KCTD16: variants seen among roughly 807,000 people sequenced by gnomAD.
KCTD16 encodes potassium channel tetramerization domain containing 16, also known as BTB/POZ domain-containing protein KCTD16.
A neutral mutation model predicts 33.2 loss-of-function variants in KCTD16; 13 were observed. The ratio of observed to expected loss-of-function variants is 0.39; its 90% CI spans 0.25 to 0.62. KCTD16 has a LOEUF of 0.62. Among genes scored for constraint, KCTD16 ranks in the 20% least tolerant of loss-of-function variants. The probability of loss-of-function intolerance (pLI) is 0.50; values close to 1 mark genes in which losing one functional copy is unlikely to be tolerated. For missense variants in KCTD16, 441 were observed against 525.1 expected (o/e 0.84, Z 1.57); for synonymous variants, 197 against 195.3 (o/e 1.01, Z -0.07).
At chr5:144,453,280 G>A (rs1213633211) in intron 3 of KCTD16, among the ~76,000 whole-genome samples, 3 of 152,050 alleles carry the variant, frequency 2.0e-5, no homozygotes, top group Non-Finnish European at 4.4e-5. Context: ...TCCCCAACAA[G>A]CCTGTATAGC....
At chr5:144,332,044 G>A (rs1011360441) in intron 3 of KCTD16, among the ~76,000 whole-genome samples, 4 of 152,090 alleles carry the variant, frequency 2.6e-5, no homozygotes, top group Non-Finnish European at 5.9e-5. Context: ...GGGACTGCTG[G>A]CAAAAGACAA....
rs368957124 is a variant in KCTD16 at position 144,479,365 on chromosome 5, C to CAAAAAAA, written c.*5261_*5267dup. 4.7e-4 allele frequency: 43 copies of CAAAAAAA among 92,212 alleles called. No individual in the cohort carries two copies. Among genetic ancestry groups the CAAAAAAA allele is most frequent in the Non-Finnish European group, 7.0e-4 (34 of 48,780 alleles). 5.7% of individuals were successfully genotyped at this position (92,212 alleles called of 1,614,324 possible). Reference sequence around the variant, plus strand: ...CCAAACTGATGTGTAAGAATAAATGCAAAAAAAAAAAAAAAAGAAAAAGAA... The same window carrying CAAAAAAA: ...CCAAACTGATGTGTAAGAATAAATGCAAAAAAAAAAAAAAAAAAAAAAAGAAAAAGAA... On this transcript the variant is annotated 3_prime_UTR_variant, in exon 4 of 4. Coordinates refer to ENST00000512467, the MANE Select transcript of KCTD16 (RefSeq NM_020768.4).
At position 144,485,031 on chromosome 5, in the gene KCTD16, A is replaced by G. The variant is rs1754775488; in HGVS notation, c.*10917A>G. 1 of 152,074 alleles carries G rather than the reference A, an allele frequency of 6.6e-6. No individual in the cohort carries two copies. The highest frequency in any genetic ancestry group is 1.9e-4 in the East Asian group (1 of 5,146). The allele number at this position is 152,074 out of a possible 1,614,324, so 9.4% of individuals were successfully genotyped here. A position where few individuals can be genotyped will look rare whatever the true frequency, so the allele number is the denominator to read the frequency against. On this transcript the variant is annotated 3_prime_UTR_variant, in exon 4 of 4. Coordinates refer to ENST00000512467, the MANE Select transcript of KCTD16 (RefSeq NM_020768.4). Reference sequence around the variant, plus strand: ...ACATGTCGTCAGTTCTCAGCAGCTCAGTTATTCAGCAAAAAGTCTGCAGTC... The same window carrying G: ...ACATGTCGTCAGTTCTCAGCAGCTCGGTTATTCAGCAAAAAGTCTGCAGTC...
chr5:144,234,365 T>A (rs1561538185), intron 3 of KCTD16, among the ~76,000 whole-genome samples: 1 of 152,154 alleles, frequency 6.6e-6, no homozygotes, highest in South Asian at 2.1e-4. Context: ...TCACACATTT[T>A]AAAAAATTCA....
intron 3 of KCTD16, among the ~76,000 whole-genome samples, chr5:144,334,757 C>T (rs968807785): frequency 8.6e-5 from 13 of 152,002 alleles, no homozygotes; most frequent in African/African-American, 3.1e-4. Flanking sequence ...CATTCCAGAG[C>T]CTTGCCTTGC....
At chr5:144,317,176 G>A (rs1198418525) in intron 3 of KCTD16, among the ~76,000 whole-genome samples, 1 of 151,912 alleles carries the variant, frequency 6.6e-6, no homozygotes, top group African/African-American at 2.4e-5. Context: ...ATTTCAGTTT[G>A]TTTTGGCAAC....
intron 3 of KCTD16, among the ~76,000 whole-genome samples, chr5:144,407,229 T>A (rs1200249045): frequency 1.3e-5 from 2 of 149,220 alleles, no homozygotes; most frequent in East Asian, 4.0e-4. Flanking sequence ...AACTATGTCA[T>A]CAACTAAATT....
chr5:144,473,322 C>T (rs928206496), intron 3 of KCTD16, among the ~76,000 whole-genome samples: 3 of 152,102 alleles, frequency 2.0e-5, no homozygotes, highest in African/African-American at 7.2e-5. Context: ...ACCCTTATAC[C>T]ACAGATGAGG....
chr5:144,375,842 G>A (rs995414764), intron 3 of KCTD16, among the ~76,000 whole-genome samples: 5 of 150,814 alleles, frequency 3.3e-5, no homozygotes, highest in South Asian at 2.1e-4. Context: ...TTTTTGTCTC[G>A]CTCTGTTGCC....
chr5:144,347,595 G>T (rs1013648104), intron 3 of KCTD16, among the ~76,000 whole-genome samples: 13 of 152,104 alleles, frequency 8.5e-5, no homozygotes, highest in Non-Finnish European at 1.5e-4. Flanking sequence ...GAGGGAGGTT[G>T]GTTTCAGGGA....
chr5:144,320,895 G>A (rs1183399561), intron 3 of KCTD16, among the ~76,000 whole-genome samples: 1 of 151,880 alleles, frequency 6.6e-6, no homozygotes, highest in Non-Finnish European at 1.5e-5. Context: ...CACTCTTGTT[G>A]TCCAGGCTGG....
chr5:144,479,765 G>A lies in KCTD16; in HGVS notation c.*5651G>A, dbSNP rs964913365. The A allele has an allele frequency of 2.6e-5, 4 of 151,938 alleles. No individual in the cohort carries two copies. Among genetic ancestry groups the A allele is most frequent in the Middle Eastern group, 3.4e-3 (1 of 294 alleles). The allele number at this position is 151,938 out of a possible 1,614,324, so 9.4% of individuals were successfully genotyped here. ...GTGAACAAATTTTGTTGCCAATTAG[G>A]TAAAAAATGTTAAGTTCCCAGACTG... On this transcript the variant is annotated 3_prime_UTR_variant, in exon 4 of 4. Coordinates refer to ENST00000512467, the MANE Select transcript of KCTD16 (RefSeq NM_020768.4).
At chr5:144,178,610 A>T (rs1014220222) in intron 2 of KCTD16, among the ~76,000 whole-genome samples, 5 of 152,180 alleles carry the variant, frequency 3.3e-5, no homozygotes, top group Admixed American at 3.3e-4. Context: ...AAAATCATAA[A>T]TCCCCTGCTG....
At chr5:144,275,328 AGCATAATTGACTCATT>A (rs1203260293) in intron 3 of KCTD16, among the ~76,000 whole-genome samples, 5 of 152,132 alleles carry the variant, frequency 3.3e-5, no homozygotes, top group Admixed American at 1.3e-4. Flanking sequence ...AATGGATATG[AGCATAATTGACTCATT>A]GCACCTAATA....
intron 2 of KCTD16, among the ~76,000 whole-genome samples, chr5:144,183,045 T>TA (rs199836614): frequency 0.22 from 31,126 of 138,426 alleles, 3,430 homozygotes; most frequent in East Asian, 0.43. Context: ...TAATGAAACA[T>TA]AAAAAAAAAA....
chr5:144,220,583 T>C (rs1753715556), intron 3 of KCTD16, among the ~76,000 whole-genome samples: 1 of 151,986 alleles, frequency 6.6e-6, no homozygotes, highest in Non-Finnish European at 1.5e-5. Flanking sequence ...TGTGTGTGTG[T>C]TTATACATAC....
chr5:144,218,695 C>A (rs1038422573), intron 3 of KCTD16, among the ~76,000 whole-genome samples: 2 of 152,184 alleles, frequency 1.3e-5, no homozygotes, highest in Non-Finnish European at 2.9e-5. Context: ...TAATGATTAT[C>A]AAAATGGTAT....
intron 3 of KCTD16, among the ~76,000 whole-genome samples, chr5:144,299,044 CTATATATATATATATA>C (rs10589565): frequency 5.6e-5 from 2 of 35,960 alleles, no homozygotes; most frequent in African/African-American, 9.6e-5. Flanking sequence ...AAACAGATCA[CTATATATATATATATA>C]TATATATATA....
At chr5:144,454,936 T>C (rs1754027879) in intron 3 of KCTD16, among the ~76,000 whole-genome samples, 1 of 152,174 alleles carries the variant, frequency 6.6e-6, no homozygotes, top group Admixed American at 6.5e-5. Context: ...TGTGCAGACA[T>C]TCTTCTGGGC....
Sources: gnomAD v4.1 joint callset for allele counts (sites outside exome capture counted in the v4.1 genomes callset) on GRCh38, gnomAD v4.1.1 for gene constraint, MANE v1.5 for transcripts, NCBI Gene and HGNC (gene_info 2026-07-23, HGNC 2026-07-21) for gene names.